Variants in PLA2R1 observed in about 807,000 individuals in gnomAD.
PLA2R1 encodes the protein phospholipase A2 receptor 1, also known as secretory phospholipase A2 receptor.
PLA2R1 carries 158 observed loss-of-function variants against 195.9 expected under a neutral mutation model. The ratio of observed to expected loss-of-function variants is 0.81; its 90% confidence interval spans 0.71 to 0.92. The LOEUF is 0.92. Among genes scored for constraint, PLA2R1 ranks in the 40% least tolerant of loss-of-function variants. The pLI, the probability that PLA2R1 is intolerant of heterozygous loss-of-function variation, is 0.00. For missense variants in PLA2R1, 1,626 were observed against 1,764.6 expected (o/e 0.92, Z 1.41); for synonymous variants, 586 against 598.2 (o/e 0.98, Z 0.30).
chr2:160,040,007 G>A (rs1220258698), intron 3 of PLA2R1, among the ~76,000 whole-genome samples: 1 of 151,792 alleles, frequency 6.6e-6, no homozygotes, highest in African/African-American at 2.4e-5. Context: ...AACTTTATTA[G>A]TATTGGTTCA....
At chr2:159,966,460 G>C (rs1191739675) in intron 20 of PLA2R1, among the ~76,000 whole-genome samples, 1 of 152,174 alleles carries the variant, frequency 6.6e-6, no homozygotes, top group Non-Finnish European at 1.5e-5. Flanking sequence ...GAGATTTGTT[G>C]AATGACAGTG....
chr2:159,963,980 G>A (rs1241470375), intron 20 of PLA2R1, among the ~76,000 whole-genome samples: 1 of 152,064 alleles, frequency 6.6e-6, no homozygotes, highest in African/African-American at 2.4e-5. Flanking sequence ...CAACCCAAGT[G>A]CGCATCAACA....
At position 159,980,989 on chromosome 2, in the gene PLA2R1, G is replaced by A. The variant is rs567323311; in HGVS notation, c.2184-1075C>T. ...CTTTCATTTAAGGCTGGGAGAAGGT[G>A]AGAATGGCCACCTTCAGTTTAAGCC... On this transcript the variant is annotated intron_variant, in intron 13 of 29. Coordinates refer to ENST00000283243, the MANE Select transcript of PLA2R1 (RefSeq NM_007366.5). Among the ~76,000 whole-genome samples the A allele has an allele frequency of 1.2e-4, 19 of 152,266 alleles. No individual in the cohort carries two copies. The South Asian group carries it at 3.5e-3, about 28-fold the overall frequency.
intron 6 of PLA2R1, among the ~76,000 whole-genome samples, chr2:160,023,340 T>C (rs555543419): frequency 9.2e-5 from 14 of 152,088 alleles, no homozygotes; most frequent in Non-Finnish European, 1.5e-4. Context: ...CCAAAACCCA[T>C]CAAAACCAAG....
At chr2:160,062,247 C>G in intron 1 of PLA2R1, 48 bp downstream of exon 1, 2 of 1,226,952 alleles carry the variant, frequency 1.6e-6, no homozygotes, top group Non-Finnish European at 2.2e-6. Flanking sequence ...ACCACCCCGA[C>G]CCCCCTCCCC....
chr2:159,996,713 TTC>T (rs1161359220), intron 11 of PLA2R1, among the ~76,000 whole-genome samples: 2 of 152,118 alleles, frequency 1.3e-5, no homozygotes, highest in African/African-American at 4.8e-5. Flanking sequence ...GAATATTCTG[TTC>T]TGTTTCAGTC....
intron 3 of PLA2R1, among the ~76,000 whole-genome samples, chr2:160,038,653 T>A (rs1348622271): frequency 6.6e-6 from 1 of 151,918 alleles, no homozygotes; most frequent in Non-Finnish European, 1.5e-5. Flanking sequence ...CATTATGAGG[T>A]AGGAACTGAG....
At chr2:159,954,531 TAA>T (rs869191296) in intron 23 of PLA2R1, among the ~76,000 whole-genome samples, 1 of 137,312 alleles carries the variant, frequency 7.3e-6, no homozygotes. Context: ...TATATATATA[TAA>T]ATATATGCTA....
At chr2:159,977,227 A>G in intron 15 of PLA2R1, 57 bp downstream of exon 15, 1 of 1,314,954 alleles carries the variant, frequency 7.6e-7, no homozygotes, top group Non-Finnish European at 1.1e-6. Flanking sequence ...AAATTGGGAA[A>G]GTACTAGAGA....
intron 3 of PLA2R1, among the ~76,000 whole-genome samples, chr2:160,041,306 T>C (rs1382906430): frequency 6.6e-6 from 1 of 152,158 alleles, no homozygotes; most frequent in African/African-American, 2.4e-5. Flanking sequence ...AAATTGAATA[T>C]AGAAAGTAGG....
rs1689390165 is a variant in PLA2R1, at chr2:159,974,304, T to G, written c.2595+1764A>C. Among the ~76,000 whole-genome samples, 3 of 152,160 alleles carry G rather than the reference T, an allele frequency of 2.0e-5. No homozygotes were observed. The South Asian group carries it at 6.2e-4, about 31-fold the overall frequency. On this transcript the variant is annotated intron_variant, in intron 17 of 29. Transcript: ENST00000283243. ...AAGATGGCCTGGGTTTCTTTCCAAA[T>G]TCCACCACTTAGCTGCTGTGTAACC... is the stretch of plus-strand genomic sequence containing the variant.
rs188147145 is a variant in PLA2R1 at position 160,043,153 on chromosome 2, G to T, written c.494-955C>A. On this transcript the variant is annotated intron_variant, in intron 2 of 29. Transcript: ENST00000283243. ...TAGAGCTGTCTCCCCGCCATACTGC[G>T]GGCTTTGGCCTCTACCCTGAGGGTG... Among the ~76,000 whole-genome samples the T allele has an allele frequency of 1.5e-3, 230 of 152,212 alleles. 1 individual carries two copies. The highest frequency in any genetic ancestry group is 2.1e-3 in the Non-Finnish European group (140 of 68,012).
chr2:159,956,645 A>AAC lies in PLA2R1; in HGVS notation c.2905-20_2905-19dup. ...AGAAGGCACTATCAAAAAATGTCAAAACAAAACATTCATTTCTGTATCTTT... is the reference window on the plus strand; with the variant it reads ...AGAAGGCACTATCAAAAAATGTCAAAACACAAAACATTCATTTCTGTATCTTT... On this transcript the variant is annotated intron_variant, in intron 20 of 29. Transcript: ENST00000283243. 7.3e-7 allele frequency: 1 copy of AAC among 1,367,750 alleles called. No homozygotes were observed. The highest frequency in any genetic ancestry group is 1.0e-6 in the Non-Finnish European group (1 of 955,006). 84.7% of individuals were successfully genotyped at this position (1,367,750 alleles called of 1,614,324 possible). A position where few individuals can be genotyped will look rare whatever the true frequency, so the allele number is the denominator to read the frequency against.
intron 11 of PLA2R1, among the ~76,000 whole-genome samples, chr2:159,988,130 C>T (rs1357728229): frequency 7.0e-6 from 1 of 142,558 alleles, no homozygotes; most frequent in Admixed American, 7.2e-5. Context: ...AGATTGTCAG[C>T]AAAATCTATA....
At chr2:159,971,498 ACACAC>A (rs201361342) in intron 17 of PLA2R1, among the ~76,000 whole-genome samples, 17 of 120,002 alleles carry the variant, frequency 1.4e-4, no homozygotes, top group South Asian at 6.8e-4. Context: ...ATACACACAC[ACACAC>A]ATTAGGGCAG....
chr2:160,037,899 G>C (rs1012787883), intron 3 of PLA2R1, among the ~76,000 whole-genome samples: 12 of 152,198 alleles, frequency 7.9e-5, no homozygotes, highest in Middle Eastern at 3.4e-3. Flanking sequence ...TATTAATTTG[G>C]GTATTATACT....
chr2:160,041,934 T>C, intron 3 of PLA2R1, 91 bp downstream of exon 3: 1 of 1,004,582 alleles, frequency 1.0e-6, no homozygotes, highest in Admixed American at 2.1e-5. Context: ...CTTCAATATA[T>C]CAATCCCAGT....
chr2:159,982,876 TAC>T (rs1037284653), intron 13 of PLA2R1, among the ~76,000 whole-genome samples: 109 of 152,272 alleles, frequency 7.2e-4, no homozygotes, highest in African/African-American at 2.6e-3. Context: ...TAAATAAATA[TAC>T]AGAGTCATGG....
rs2125913977 is a variant in PLA2R1 at position 159,941,454 on chromosome 2, A to G, written c.*324T>C. ...TTAAAATTCCCCCAAATTTTAGTAG[A>G]GATACATTAATGCAAAAACTATTAT... On this transcript the variant is annotated 3_prime_UTR_variant, in exon 30 of 30. Coordinates refer to ENST00000283243, the MANE Select transcript of PLA2R1 (RefSeq NM_007366.5). 1 of 178,582 alleles carries G rather than the reference A, an allele frequency of 5.6e-6. No individual in the cohort carries two copies. The highest frequency in any genetic ancestry group is 1.5e-4 in the South Asian group (1 of 6,774). 11.1% of individuals were successfully genotyped at this position (178,582 alleles called of 1,614,324 possible). A position where few individuals can be genotyped will look rare whatever the true frequency, so the allele number is the denominator to read the frequency against.
Sources: gnomAD v4.1 joint callset for allele counts (sites outside exome capture counted in the v4.1 genomes callset) on GRCh38, gnomAD v4.1.1 for gene constraint, MANE v1.5 for transcripts, NCBI Gene and HGNC (gene_info 2026-07-23, HGNC 2026-07-21) for gene names.